The following LRRC41 variants were observed in gnomAD, a reference collection of about 807,000 sequenced individuals.
The protein encoded by LRRC41 is leucine-rich repeat-containing protein 41.
Under a neutral mutation model 72.1 loss-of-function variants are expected in LRRC41, and 17 were observed. The ratio of observed to expected loss-of-function variants is 0.24; its 90% CI spans 0.16 to 0.35. The LOEUF is 0.35. Among genes scored for constraint, LRRC41 ranks in the 10% least tolerant of loss-of-function variants. The probability of loss-of-function intolerance (pLI) is 1.00; values close to 1 mark genes in which losing one functional copy is unlikely to be tolerated. For synonymous variants in LRRC41, 427 were observed against 431.0 expected (o/e 0.99, Z 0.11); for missense variants, 759 against 1,065.0 (o/e 0.71, Z 4.00).
At chr1:46,280,630 G>A in intron 5 of LRRC41, 70 bp from the exon 6 acceptor site, 1 of 1,463,870 alleles carries the variant, frequency 6.8e-7, no homozygotes, top group Non-Finnish European at 9.3e-7. Flanking sequence ...GTCCCATCCT[G>A]TTCTTAAGGG....
In LRRC41 at chr1:46,285,294, AG is replaced by A. The variant is rs750782033; in HGVS notation, c.1495+67del. On this transcript the variant is annotated intron_variant, in intron 4 of 9. Coordinates refer to ENST00000617190, the MANE Select transcript of LRRC41 (RefSeq NM_006369.5). This position sits in a 1 kb window ranked among gnomAD's most constrained non-coding sequence, Gnocchi z 5.3. ...CCCAATTTGCCCCTCCCACCTCCCT[AG>A]AATTAGGCACACAGCTGGTGCTGCT... is the stretch of plus-strand genomic sequence containing the variant. 9.7e-6 allele frequency: 15 copies of A among 1,549,920 alleles called. No homozygotes were observed. The African/African-American group carries it at 1.9e-4, about 20-fold the overall frequency.
At chr1:46,292,200 C>T (rs1661034033) in intron 3 of LRRC41, among the ~76,000 whole-genome samples, 1 of 151,206 alleles carries the variant, frequency 6.6e-6, no homozygotes, top group Non-Finnish European at 1.5e-5. Flanking sequence ...ATCTCAGCTA[C>T]TTGGGCCAAG....
chr1:46,302,337 C>A lies in LRRC41; in HGVS notation c.199+787G>T, dbSNP rs1661253648. The A allele has an allele frequency of 2.0e-6, 2 of 985,266 alleles. No individual in the cohort carries two copies. Among genetic ancestry groups the A allele is most frequent in the Non-Finnish European group, 2.4e-6 (2 of 829,920 alleles). The allele number at this position is 985,266 out of a possible 1,614,324, so 61.0% of individuals were successfully genotyped here. A position where few individuals can be genotyped will look rare whatever the true frequency, so the allele number is the denominator to read the frequency against. On this transcript the variant is annotated intron_variant, in intron 1 of 9. Coordinates refer to ENST00000617190, the MANE Select transcript of LRRC41 (RefSeq NM_006369.5). The surrounding 1 kb of genome is among the most constrained non-coding windows in gnomAD (Gnocchi z 4.7). Reference sequence around the variant, plus strand: ...TTCGAGCCTCCCTCGCTTGTTTAAGCCGCTCCGGGCCCCCCTCCACTCGCT... The same window carrying A: ...TTCGAGCCTCCCTCGCTTGTTTAAGACGCTCCGGGCCCCCCTCCACTCGCT...
At position 46,285,985 on chromosome 1, in the gene LRRC41, C is replaced by T. The variant is rs377700978; in HGVS notation, c.872G>A (p.Arg291Gln). The change falls in exon 4 of 10, where the codon CGG becomes CAG. Residue 291 changes from arginine to glutamine, a missense_variant. Physicochemically the swap from Arg to Gln is conservative, Grantham distance 43. Transcript: ENST00000617190. The surrounding 1 kb of genome is among the most constrained non-coding windows in gnomAD (Gnocchi z 5.3). ...SLLLGSRRPR[R>Q]DAAERCAAAL... ...TGCAGCACATCGCTCAGCAGCATCC[C>T]GGCGGGGCCGACGTGAGCCCAATAA... The T allele has an allele frequency of 8.4e-6, 13 of 1,545,402 alleles. No homozygotes were observed. The highest frequency in any genetic ancestry group is 4.1e-5 in the African/African-American group (3 of 72,892).
rs2148315955 is a variant in LRRC41, at chr1:46,285,245, C to T, written c.1495+117G>A. 1 of 960,570 alleles carries T rather than the reference C, an allele frequency of 1.0e-6. No individual in the cohort carries two copies. The highest frequency in any genetic ancestry group is 2.6e-5 in the East Asian group (1 of 38,072). The allele number at this position is 960,570 out of a possible 1,614,324, so 59.5% of individuals were successfully genotyped here. A position where few individuals can be genotyped will look rare whatever the true frequency, so the allele number is the denominator to read the frequency against. On this transcript the variant is annotated intron_variant, in intron 4 of 9. Coordinates refer to ENST00000617190, the MANE Select transcript of LRRC41 (RefSeq NM_006369.5). This position sits in a 1 kb window ranked among gnomAD's most constrained non-coding sequence, Gnocchi z 5.3. ...CCCTGCTATGAGGCATACAAGCCTT[C>T]CTCTCTAACCTCCTGATCATACCCC...
Position 46,280,218 on chromosome 1 carries a change from A to T in LRRC41, c.1994T>A (p.Phe665Tyr). The T allele has an allele frequency of 6.2e-7, 1 of 1,614,110 alleles. No homozygotes were observed. Among genetic ancestry groups the T allele is most frequent in the Non-Finnish European group, 8.5e-7 (1 of 1,179,992 alleles). Residue 665 changes from phenylalanine (F) to tyrosine (Y), a missense_variant, in exon 7 of 10, where the codon TTT becomes TAT. Phe to Tyr is a conservative substitution (Grantham distance 22). Around this residue, in one of 4 missense-constraint regions of LRRC41, gnomAD observed 110 missense variants for 227.0 expected, o/e 0.48. Coordinates refer to ENST00000617190, the MANE Select transcript of LRRC41 (RefSeq NM_006369.5). ...TTGCAGAGTCAGATTCTGTAGCAAA[A>T]AGAGCACCTCGCTCTGACAGTCAGC... ...NLADCQSEVL[F>Y]LLQNLTLQEI...
At position 46,298,360 on chromosome 1, in the gene LRRC41, G is replaced by A. The variant is rs770368429; in HGVS notation, c.210C>T (p.Gly70=). Residue 70 remains glycine, a synonymous_variant, in exon 2 of 10, where the codon GGC becomes GGT. Coordinates refer to ENST00000617190, the MANE Select transcript of LRRC41 (RefSeq NM_006369.5). The part of the protein sequence containing the change: ...VLESGVWALP[G]PILQSILPLL... ...GAGGTAGGATGCTTTGAAGTATTGGGCCTGGGAGGGCTACAAAAATCAAAA... is the reference window on the plus strand; with the variant it reads ...GAGGTAGGATGCTTTGAAGTATTGGACCTGGGAGGGCTACAAAAATCAAAA... 3.7e-6 allele frequency: 6 copies of A among 1,607,742 alleles called. No individual in the cohort carries two copies. Among genetic ancestry groups the A allele is most frequent in the African/African-American group, 1.3e-5 (1 of 74,614 alleles).
intron 3 of LRRC41, among the ~76,000 whole-genome samples, chr1:46,291,552 GTTTTTTTTTT>G (rs1219656700): frequency 2.4e-5 from 2 of 84,942 alleles, no homozygotes; most frequent in Non-Finnish European, 4.4e-5. Flanking sequence ...GCCCCAGCTG[GTTTTTTTTTT>G]TTTTTTTTTT....
At chr1:46,284,078 C>T (rs1660836302) in intron 4 of LRRC41, 1 of 152,174 alleles carries the variant, frequency 6.6e-6, no homozygotes, top group Non-Finnish European at 1.5e-5. Flanking sequence ...ACCCTGATGA[C>T]ATAGGTCCTT....
At position 46,278,758 on chromosome 1, in the gene LRRC41, T is replaced by G; in HGVS notation, c.*107A>C. On this transcript the variant is annotated 3_prime_UTR_variant, in exon 10 of 10. Coordinates refer to ENST00000617190, the MANE Select transcript of LRRC41 (RefSeq NM_006369.5). ...GAAGAAGGAAAAAAGAGAAAAAAGGTGACAGAAAGAGAAAGATAGAACTGG... is the reference window on the plus strand; with the variant it reads ...GAAGAAGGAAAAAAGAGAAAAAAGGGGACAGAAAGAGAAAGATAGAACTGG... 1 of 1,124,902 alleles carries G rather than the reference T, an allele frequency of 8.9e-7. No homozygotes were observed. Among genetic ancestry groups the G allele is most frequent in the Non-Finnish European group, 1.3e-6 (1 of 776,884 alleles). The allele number at this position is 1,124,902 out of a possible 1,614,324, so 69.7% of individuals were successfully genotyped here. A position where few individuals can be genotyped will look rare whatever the true frequency, so the allele number is the denominator to read the frequency against.
At chr1:46,281,762 G>C (rs1363354829) in intron 4 of LRRC41, among the ~76,000 whole-genome samples, 1 of 152,204 alleles carries the variant, frequency 6.6e-6, no homozygotes, top group African/African-American at 2.4e-5. Flanking sequence ...GGAAGTTTTG[G>C]ATAGAGGGAG....
rs1234428717 is a variant in LRRC41 at position 46,285,273 on chromosome 1, A to G, written c.1495+89T>C. ...CTCTAACCTCCTGATCATACCCCCA[A>G]TTTGCCCCTCCCACCTCCCTAGAAT... On this transcript the variant is annotated intron_variant, in intron 4 of 9. Transcript: ENST00000617190. The surrounding 1 kb of genome is among the most constrained non-coding windows in gnomAD (Gnocchi z 5.3). 2 of 1,354,676 alleles carry G rather than the reference A, an allele frequency of 1.5e-6. No homozygotes were observed. The highest frequency in any genetic ancestry group is 4.0e-5 in the Admixed American group (2 of 50,334). 83.9% of individuals were successfully genotyped at this position (1,354,676 alleles called of 1,614,324 possible). A position where few individuals can be genotyped will look rare whatever the true frequency, so the allele number is the denominator to read the frequency against.
At position 46,280,410 on chromosome 1, in the gene LRRC41, A is replaced by G; in HGVS notation, c.1907T>C (p.Leu636Ser). 1 of 1,614,206 alleles carries G rather than the reference A, an allele frequency of 6.2e-7. No individual in the cohort carries two copies. Among genetic ancestry groups the G allele is most frequent in the Non-Finnish European group, 8.5e-7 (1 of 1,180,034 alleles). The part of the protein sequence containing the change: ...FASPQDFGLV[L>S]QTLKEYNLAL... ...CTGGGTCCTACCTTTGAGTGTTTGC[A>G]AAACAAGCCCAAAATCCTGGGGAGA... Residue 636 changes from leucine to serine, a missense_variant, in exon 6 of 10, where the codon TTG becomes TCG. Around this residue, in one of 4 missense-constraint regions of LRRC41, gnomAD observed 427 missense variants for 520.9 expected, o/e 0.82. Coordinates refer to ENST00000617190, the MANE Select transcript of LRRC41 (RefSeq NM_006369.5).
Position 46,277,943 on chromosome 1 carries a change from A to G in LRRC41, c.*922T>C, listed in dbSNP as rs767901196. 4.3e-6 allele frequency: 7 copies of G among 1,614,140 alleles called. No individual in the cohort carries two copies. The Admixed American group carries it at 5.0e-5, about 12-fold the overall frequency. On this transcript the variant is annotated 3_prime_UTR_variant, in exon 10 of 10. Coordinates refer to ENST00000617190, the MANE Select transcript of LRRC41 (RefSeq NM_006369.5). ...TCTGGGCGAGTTGAAGGAGCTGTTTATCCTGGATGAAGCTAGCCTCAGTGA... is the reference window on the plus strand; with the variant it reads ...TCTGGGCGAGTTGAAGGAGCTGTTTGTCCTGGATGAAGCTAGCCTCAGTGA...
In LRRC41 at chr1:46,303,477, G is replaced by A; in HGVS notation, c.-155C>T. On this transcript the variant is annotated 5_prime_UTR_variant, in exon 1 of 10. Coordinates refer to ENST00000617190, the MANE Select transcript of LRRC41 (RefSeq NM_006369.5). ...AGCACACTTTCCAAGTCTCTTAGGA[G>A]CTACTATTTTAGATAAACTCCTAGA... 1 of 804,018 alleles carries A rather than the reference G, an allele frequency of 1.2e-6. No individual in the cohort carries two copies. Among genetic ancestry groups the A allele is most frequent in the East Asian group, 2.7e-5 (1 of 36,672 alleles). 49.8% of individuals were successfully genotyped at this position (804,018 alleles called of 1,614,324 possible).
chr1:46,300,106 T>C (rs977375125), intron 1 of LRRC41: 3 of 152,094 alleles, frequency 2.0e-5, no homozygotes, highest in Non-Finnish European at 4.4e-5. Flanking sequence ...GTAGGGGGCA[T>C]TGCTTAAGTC....
rs1415102009 is a variant in LRRC41, at chr1:46,302,897, CGCCCCCGA to C, written c.199+219_199+226del. ...CCGGGCCTCCTGGCCTCGCCCCCCG[CGCCCCCGA>C]GCCAGGCCGCGGTGCGGGTCAGCCT... On this transcript the variant is annotated intron_variant, in intron 1 of 9. Transcript: ENST00000617190. The surrounding 1 kb of genome is among the most constrained non-coding windows in gnomAD (Gnocchi z 4.7). 5 of 984,842 alleles carry C rather than the reference CGCCCCCGA, an allele frequency of 5.1e-6. No homozygotes were observed. Among genetic ancestry groups the C allele is most frequent in the African/African-American group, 1.8e-5 (1 of 57,076 alleles). The allele number at this position is 984,842 out of a possible 1,614,324, so 61.0% of individuals were successfully genotyped here.
chr1:46,301,970 C>A (rs2148328740), intron 1 of LRRC41: 2 of 985,406 alleles, frequency 2.0e-6, no homozygotes, highest in South Asian at 9.4e-5. Flanking sequence ...GCCTGCTTGG[C>A]AGAGCCTCAC....
chr1:46,300,004 G>C (rs1203731237), intron 1 of LRRC41: 1 of 152,180 alleles, frequency 6.6e-6, no homozygotes, highest in Non-Finnish European at 1.5e-5. Flanking sequence ...CTAAATGTTG[G>C]TGGTTATTTT....
Sources: allele counts gnomAD v4.1 joint callset (sites outside exome capture counted in the v4.1 genomes callset), GRCh38; gene constraint gnomAD v4.1.1; regional missense constraint gnomAD v4.1.1; non-coding constraint Gnocchi (gnomAD v3.1); transcripts MANE v1.5; gene names NCBI Gene and HGNC (gene_info 2026-07-23, HGNC 2026-07-21).